Variants in DLG2 observed in about 807,000 individuals in gnomAD.
DLG2 encodes the protein disks large homolog 2.
In DLG2, 45 loss-of-function variants were observed where a neutral mutation model predicts 132.5. The ratio of observed to expected loss-of-function variants is 0.34; its 90% CI spans 0.27 to 0.44. DLG2 has a LOEUF of 0.44. Ranked by LOEUF, DLG2 falls within the 20% of genes least tolerant of loss-of-function variation. The pLI is 1.00. For missense variants in DLG2, 1,045 were observed against 1,196.9 expected (o/e 0.87, Z 1.87); for synonymous variants, 424 against 419.6 (o/e 1.01, Z -0.13).
intron 3 of DLG2, among the ~76,000 whole-genome samples, chr11:85,373,631 G>T (rs925709895): frequency 6.6e-6 from 1 of 152,092 alleles, no homozygotes; most frequent in South Asian, 2.1e-4. Flanking sequence ...CTTCCTGTGT[G>T]GAACCTGCAA....
chr11:84,810,240 A>G (rs575161873), intron 6 of DLG2, among the ~76,000 whole-genome samples: 4 of 152,272 alleles, frequency 2.6e-5, no homozygotes, highest in East Asian at 3.9e-4. Context: ...TTGAGAATAT[A>G]TAAAGAACTG....
intron 18 of DLG2, among the ~76,000 whole-genome samples, chr11:83,760,085 T>C (rs1425028881): frequency 3.3e-5 from 5 of 152,180 alleles, no homozygotes; most frequent in Admixed American, 1.3e-4. Flanking sequence ...GCACTGACAG[T>C]TGAATTGCTT....
At chr11:85,106,688 T>A (rs2071807851) in intron 6 of DLG2, among the ~76,000 whole-genome samples, 1 of 151,946 alleles carries the variant, frequency 6.6e-6, no homozygotes. Flanking sequence ...TCTCAAAATA[T>A]CCTGTTGTGT....
chr11:83,747,517 G>A (rs775610672), intron 18 of DLG2, among the ~76,000 whole-genome samples: 3 of 151,846 alleles, frequency 2.0e-5, no homozygotes, highest in Non-Finnish European at 4.4e-5. Context: ...ACAGGTGGAC[G>A]CCAACACACC....
At chr11:84,542,617 G>A (rs2099378104) in intron 6 of DLG2, among the ~76,000 whole-genome samples, 1 of 151,894 alleles carries the variant, frequency 6.6e-6, no homozygotes, top group East Asian at 1.9e-4. Flanking sequence ...AATGTGCTTG[G>A]GCTGAAAGGA....
intron 17 of DLG2, among the ~76,000 whole-genome samples, chr11:83,803,131 A>T (rs1254541779): frequency 6.6e-6 from 1 of 152,122 alleles, no homozygotes; most frequent in South Asian, 2.1e-4. Context: ...GGGTAATCAA[A>T]TTTTCAAACA....
chr11:85,212,572 T>C (rs2082321730), intron 4 of DLG2, among the ~76,000 whole-genome samples: 1 of 152,172 alleles, frequency 6.6e-6, no homozygotes, highest in African/African-American at 2.4e-5. Flanking sequence ...AGTTGAGTAA[T>C]GTAATCTAAC....
At chr11:84,056,821 C>A (rs1393213434) in intron 11 of DLG2, among the ~76,000 whole-genome samples, 1 of 152,040 alleles carries the variant, frequency 6.6e-6, no homozygotes, top group African/African-American at 2.4e-5. Flanking sequence ...TATAGAGAAA[C>A]AAATCTCCAT....
At chr11:85,199,422 G>A (rs1356321049) in intron 4 of DLG2, among the ~76,000 whole-genome samples, 1 of 152,212 alleles carries the variant, frequency 6.6e-6, no homozygotes, top group Non-Finnish European at 1.5e-5. Context: ...ATGCATCAGA[G>A]AACTTCCCAG....
At chr11:84,895,363 C>T (rs1022231031) in intron 6 of DLG2, among the ~76,000 whole-genome samples, 3 of 152,050 alleles carry the variant, frequency 2.0e-5, no homozygotes, top group Non-Finnish European at 2.9e-5. Context: ...TAATCAGTAA[C>T]CTGTTTCACT....
At chr11:84,545,996 T>C (rs2099389029) in intron 6 of DLG2, among the ~76,000 whole-genome samples, 1 of 152,160 alleles carries the variant, frequency 6.6e-6, no homozygotes, top group Admixed American at 6.5e-5. Context: ...TCTCAAGTGA[T>C]CCATCCGCCT....
chr11:83,724,826 T>A (rs1367987666), intron 18 of DLG2: 1 of 702,146 alleles, frequency 1.4e-6, no homozygotes, highest in Non-Finnish European at 2.6e-6. Flanking sequence ...TCAAGAGAAA[T>A]GGGTCTGAGA....
intron 11 of DLG2, among the ~76,000 whole-genome samples, chr11:83,985,094 T>C (rs1038063770): frequency 6.6e-6 from 1 of 151,978 alleles, no homozygotes; most frequent in Non-Finnish European, 1.5e-5. Flanking sequence ...TGAAGACAAA[T>C]GTGGGCTAGG....
chr11:85,551,678 T>C (rs7931722), intron 3 of DLG2, among the ~76,000 whole-genome samples: 5,449 of 152,106 alleles, frequency 0.036, 148 homozygotes, highest in Admixed American at 0.053. Flanking sequence ...GCAAATAATA[T>C]CAAGTTCACA....
intron 6 of DLG2, among the ~76,000 whole-genome samples, chr11:84,977,571 A>G (rs929546764): frequency 6.6e-6 from 1 of 152,156 alleles, no homozygotes. Flanking sequence ...GTTCATCTAG[A>G]CCTTTTGTTC....
At chr11:85,292,080 T>A (rs920300523) in intron 3 of DLG2, among the ~76,000 whole-genome samples, 1 of 152,166 alleles carries the variant, frequency 6.6e-6, no homozygotes, top group African/African-American at 2.4e-5. Flanking sequence ...TCCATTAGGC[T>A]TTTCTGAACA....
intron 7 of DLG2, among the ~76,000 whole-genome samples, chr11:84,345,243 T>C (rs902579310): frequency 6.6e-6 from 1 of 152,228 alleles, no homozygotes; most frequent in Non-Finnish European, 1.5e-5. Flanking sequence ...GGAAAATTAC[T>C]GCAGCAATTT....
chr11:85,564,435 T>C (rs149833568), intron 3 of DLG2, among the ~76,000 whole-genome samples: 2,995 of 152,120 alleles, frequency 0.02, 52 homozygotes, highest in Middle Eastern at 0.044. Context: ...CAACATGATA[T>C]GCCCAAAGTT....
intron 19 of DLG2, among the ~76,000 whole-genome samples, chr11:83,578,321 T>C (rs1178023998): frequency 6.6e-5 from 10 of 151,738 alleles, no homozygotes; most frequent in Non-Finnish European, 5.9e-5. Context: ...TTATAACAAT[T>C]ATCCAGTAAA....
Sources: gnomAD v4.1 joint callset for allele counts (sites outside exome capture counted in the v4.1 genomes callset) on GRCh38, gnomAD v4.1.1 for gene constraint, MANE v1.5 for transcripts, NCBI Gene and HGNC (gene_info 2026-07-23, HGNC 2026-07-21) for gene names.